The following CD8B variants were observed in gnomAD, a reference collection of about 807,000 sequenced individuals.
CD8B encodes the protein CD8 subunit beta, also known as T-cell surface glycoprotein CD8 beta chain.
CD8B carries 6 observed loss-of-function variants against 24.2 expected under a neutral mutation model. The ratio of observed to expected loss-of-function variants is 0.25; its 90% CI spans 0.14 to 0.49. The LOEUF (loss-of-function observed/expected upper bound fraction) is 0.49, where lower values mean the gene tolerates loss of function less well. CD8B is among the 20% of genes least tolerant of loss of function. The pLI is 0.98. For synonymous variants in CD8B, 84 were observed against 108.3 expected, an observed-to-expected ratio of 0.78 and a Z score of 1.39; for missense variants, 196 against 271.3, an observed-to-expected ratio of 0.72 and a Z score of 1.95.
At chr2:86,855,574 CA>C (rs201397138) in intron 2 of CD8B, among the ~76,000 whole-genome samples, 2 of 152,216 alleles carry the variant, frequency 1.3e-5, no homozygotes, top group African/African-American at 4.8e-5. Context: ...GATTTTCTGA[CA>C]AAAGTTGAAC....
At chr2:86,849,614 C>T (rs1216630315) in intron 3 of CD8B, among the ~76,000 whole-genome samples, 1 of 152,048 alleles carries the variant, frequency 6.6e-6, no homozygotes, top group Non-Finnish European at 1.5e-5. Context: ...TAACGGTCGC[C>T]CAACTTGGTA....
intron 4 of CD8B, among the ~76,000 whole-genome samples, chr2:86,845,336 C>A (rs1001349014): frequency 2.0e-4 from 30 of 152,318 alleles, no homozygotes; most frequent in African/African-American, 6.0e-4. Flanking sequence ...TGAAAGGTCC[C>A]AGAGACAGGC....
chr2:86,820,545 T>C (rs1298432531), intron 5 of CD8B, among the ~76,000 whole-genome samples: 1 of 152,224 alleles, frequency 6.6e-6, no homozygotes, highest in African/African-American at 2.4e-5. Flanking sequence ...ACTTTTTTTT[T>C]CAGACATAAT....
intron 5 of CD8B, among the ~76,000 whole-genome samples, chr2:86,842,545 T>G (rs1675485338): frequency 6.6e-6 from 1 of 152,196 alleles, no homozygotes; most frequent in Non-Finnish European, 1.5e-5. Flanking sequence ...ACGGTAGCTT[T>G]GAATTGGGTT....
chr2:86,815,465 G>C (rs924124022), downstream of CD8B: 8 of 665,510 alleles, frequency 1.2e-5, no homozygotes, highest in Non-Finnish European at 2.2e-5. Context: ...AGCTCACCAG[G>C]GCAGAACTTG....
rs538798996 is a variant in CD8B at position 86,815,866 on chromosome 2, C to G, written c.621-148G>C. The stretch of plus-strand genomic sequence containing the variant: ...CACAGAAAGAGCCAGGCATATAGCA[C>G]TTGATAGGCCTAGGGTTACCACAGG... On this transcript the variant is annotated intron_variant, in intron 5 of 5. Coordinates refer to the CD8B transcript ENST00000331469. The G allele has an allele frequency of 1.6e-5, 10 of 639,022 alleles. No homozygotes were observed. The East Asian group carries it at 1.8e-4, about 12-fold the overall frequency. 39.6% of individuals were successfully genotyped at this position (639,022 alleles called of 1,614,324 possible).
At chr2:86,857,274 A>C (rs562091625) in intron 2 of CD8B, among the ~76,000 whole-genome samples, 2 of 152,330 alleles carry the variant, frequency 1.3e-5, no homozygotes, top group South Asian at 4.1e-4. Context: ...CTCACTGGGT[A>C]TATCAGGGCA....
At position 86,828,839 on chromosome 2, in the gene CD8B, C is replaced by G. The variant is rs528941762; in HGVS notation, c.621-13121G>C. Among the ~76,000 whole-genome samples, 317 of 152,242 alleles carry G rather than the reference C, an allele frequency of 2.1e-3. 1 individual carries two copies. Among genetic ancestry groups the G allele is most frequent in the African/African-American group, 7.0e-3 (289 of 41,530 alleles). Reference sequence around the variant, plus strand: ...ACTCTCTTAAAAATGGGGTCCTACTCTAGTTGTTCTAATAACTCTTCATCA... The same window carrying G: ...ACTCTCTTAAAAATGGGGTCCTACTGTAGTTGTTCTAATAACTCTTCATCA... On this transcript the variant is annotated intron_variant, in intron 5 of 5. Transcript: ENST00000331469.
chr2:86,849,794 C>T (rs1675887892), intron 3 of CD8B, among the ~76,000 whole-genome samples: 1 of 150,890 alleles, frequency 6.6e-6, no homozygotes, highest in African/African-American at 2.4e-5. Context: ...ACCTCCGCCT[C>T]CTGGGTTCAA....
intron 5 of CD8B, 48 bp from the exon 6 acceptor site, chr2:86,842,367 T>C (rs1425485613): frequency 6.3e-6 from 10 of 1,580,894 alleles, no homozygotes; most frequent in African/African-American, 2.7e-5. Flanking sequence ...AGGCAAACGA[T>C]ATTGAATTTC....
At chr2:86,846,334 G>A (rs186971649) in intron 4 of CD8B, among the ~76,000 whole-genome samples, 226 of 152,226 alleles carry the variant, frequency 1.5e-3, no homozygotes, top group African/African-American at 5.2e-3. Context: ...TCACTGACAC[G>A]TGCCGGGTGC....
At chr2:86,846,223 C>T (rs1291625550) in intron 4 of CD8B, among the ~76,000 whole-genome samples, 12 of 152,198 alleles carry the variant, frequency 7.9e-5, no homozygotes, top group African/African-American at 1.7e-4. Context: ...ATATCGGTGT[C>T]GTGGAGAGGA....
chr2:86,821,117 G>C (rs1022270455), intron 5 of CD8B, among the ~76,000 whole-genome samples: 1 of 149,456 alleles, frequency 6.7e-6, no homozygotes, highest in Non-Finnish European at 1.5e-5. Flanking sequence ...TTTTATATAG[G>C]TACTCTTGAA....
At chr2:86,821,342 T>A (rs1674458088) in intron 5 of CD8B, among the ~76,000 whole-genome samples, 1 of 152,162 alleles carries the variant, frequency 6.6e-6, no homozygotes, top group African/African-American at 2.4e-5. Flanking sequence ...TGAGCCCTGC[T>A]AAAGGAGTTG....
intron 2 of CD8B, among the ~76,000 whole-genome samples, chr2:86,856,370 G>GCCAAACCCCAAACC (rs1305338459): frequency 5.3e-5 from 8 of 152,036 alleles, no homozygotes; most frequent in African/African-American, 1.4e-4. Context: ...ATAAGCTAAA[G>GCCAAACCCCAAACC]CCAAACCCCA....
chr2:86,840,298 C>T lies in CD8B; in HGVS notation c.*2009G>A, dbSNP rs1312726963. ...TCAAAGCTGGAGCAAACGGAAAACA[C>T]CTGGGTCTGGGGGCAGGGCATCTAA... On this transcript the variant is annotated 3_prime_UTR_variant, in exon 6 of 6. Transcript: ENST00000390655. Among the ~76,000 whole-genome samples, 1 of 152,130 alleles carries T rather than the reference C, an allele frequency of 6.6e-6. No homozygotes were observed. Among genetic ancestry groups the T allele is most frequent in the African/African-American group, 2.4e-5 (1 of 41,400 alleles).
chr2:86,851,634 T>A (rs1675980438), intron 3 of CD8B, among the ~76,000 whole-genome samples: 1 of 152,204 alleles, frequency 6.6e-6, no homozygotes, highest in African/African-American at 2.4e-5. Context: ...TTTCTGGTGC[T>A]TAAAATATTT....
chr2:86,857,018 G>C (rs1345499643), intron 2 of CD8B, among the ~76,000 whole-genome samples: 1 of 152,130 alleles, frequency 6.6e-6, no homozygotes, highest in African/African-American at 2.4e-5. Context: ...GGCTTGAAAT[G>C]TGCGTCTGCT....
chr2:86,850,365 A>G (rs1356323098), intron 3 of CD8B, among the ~76,000 whole-genome samples: 2 of 152,056 alleles, frequency 1.3e-5, no homozygotes. Context: ...TGTCTTAGGA[A>G]CAGACCTAAG....
Sources: allele counts gnomAD v4.1 joint callset (sites outside exome capture counted in the v4.1 genomes callset), GRCh38; gene constraint gnomAD v4.1.1; transcripts MANE v1.5; gene names NCBI Gene and HGNC (gene_info 2026-07-23, HGNC 2026-07-21).